The following SCML2 variants were observed in gnomAD, a reference collection of about 807,000 sequenced individuals.
SCML2 encodes sex comb on midleg-like protein 2.
SCML2 carries 6 observed loss-of-function variants against 48.4 expected under a neutral mutation model. The observed-to-expected ratio is 0.12, with a 90% CI of 0.07 to 0.24. SCML2 has a LOEUF of 0.24. Among genes scored for constraint, SCML2 ranks in the 10% least tolerant of loss-of-function variants. The probability of loss-of-function intolerance (pLI) is 1.00; values close to 1 mark genes in which losing one functional copy is unlikely to be tolerated. For synonymous variants in SCML2, 181 were observed against 189.5 expected (o/e 0.95, Z 0.37); for missense variants, 377 against 528.2 (o/e 0.71, Z 2.81).
chrX:18,348,199 G>C (rs994476393), intron 1 of SCML2, among the ~76,000 whole-genome samples: 2 of 112,078 alleles, frequency 1.8e-5, no homozygotes, highest in Non-Finnish European at 3.8e-5. Flanking sequence ...ACTGACTTTT[G>C]TGAAGGACTT....
chrX:18,247,018 G>C (rs1321590016), intron 12 of SCML2, among the ~76,000 whole-genome samples, 190 bp from the exon 13 acceptor site: 1 of 111,676 alleles, frequency 9.0e-6, no homozygotes, highest in East Asian at 2.8e-4. Context: ...TTGAGACAAA[G>C]TTTTGCTCTT....
chrX:18,261,171 A>C (rs779188707), intron 8 of SCML2, among the ~76,000 whole-genome samples: 3 of 108,682 alleles, frequency 2.8e-5, no homozygotes, highest in Non-Finnish European at 5.7e-5. Flanking sequence ...GAAACAAAAA[A>C]TGTGATTTTT....
intron 11 of SCML2, 78 bp from the exon 12 acceptor site, chrX:18,247,960 A>G (rs1311784399): frequency 3.2e-6 from 2 of 633,846 alleles, no homozygotes; most frequent in Non-Finnish European, 5.0e-6. Flanking sequence ...AGCATGAAAC[A>G]CTTCTGTTTC....
intron 7 of SCML2, among the ~76,000 whole-genome samples, chrX:18,298,739 C>G (rs754545621): frequency 8.2e-5 from 9 of 109,665 alleles, no homozygotes; most frequent in Non-Finnish European, 1.1e-4. Context: ...AGAAGAACTG[C>G]TTGAACCCAG....
intron 7 of SCML2, among the ~76,000 whole-genome samples, chrX:18,283,887 T>C (rs955540914): frequency 2.0e-4 from 22 of 112,324 alleles, no homozygotes; most frequent in Non-Finnish European, 3.6e-4. Context: ...TTCAACACTA[T>C]TGCTAACAAA....
In SCML2 at chrX:18,330,477, TAC is replaced by T. The variant is rs1337234315; in HGVS notation, c.91+108_91+109del. 78 of 409,993 alleles carry T rather than the reference TAC, an allele frequency of 1.9e-4. No individual in the cohort carries two copies. In the South Asian group the frequency reaches 4.9e-3, roughly 26 times the overall value. 33.8% of individuals were successfully genotyped at this position (409,993 alleles called of 1,213,427 possible). A position where few individuals can be genotyped will look rare whatever the true frequency, so the allele number is the denominator to read the frequency against. ...TTTGTATTTACAGAAGTTTACAGTA[TAC>T]AGACTGTACAATAAGAAATCAAAAC... On this transcript the variant is annotated intron_variant, in intron 3 of 14. Coordinates refer to ENST00000251900, the MANE Select transcript of SCML2 (RefSeq NM_006089.3).
At chrX:18,303,504 A>G (rs867127783) in intron 7 of SCML2, among the ~76,000 whole-genome samples, 3 of 111,541 alleles carry the variant, frequency 2.7e-5, no homozygotes, top group Non-Finnish European at 5.6e-5. Context: ...GCTTTCCTTT[A>G]TGCAACCACC....
intron 8 of SCML2, among the ~76,000 whole-genome samples, chrX:18,262,337 C>CTTTTT (rs780523423): frequency 1.3e-5 from 1 of 78,468 alleles, no homozygotes; most frequent in African/African-American, 5.5e-5. Flanking sequence ...CTGGGTCTAC[C>CTTTTT]TTTTTTTTTT....
intron 7 of SCML2, among the ~76,000 whole-genome samples, chrX:18,281,125 TA>T (rs756411441): frequency 8.8e-4 from 96 of 109,684 alleles, no homozygotes; most frequent in African/African-American, 3.0e-3. Context: ...TCAATAAAAC[TA>T]AAAAAAACTG....
chrX:18,284,220 A>C (rs1432833358), intron 7 of SCML2, among the ~76,000 whole-genome samples: 3 of 112,605 alleles, frequency 2.7e-5, no homozygotes, highest in African/African-American at 9.7e-5. Flanking sequence ...CATATGCAGA[A>C]GAATGGAACT....
chrX:18,314,614 TTC>T (rs1929055776), intron 6 of SCML2, among the ~76,000 whole-genome samples: 1 of 112,135 alleles, frequency 8.9e-6, no homozygotes, highest in African/African-American at 3.2e-5. Context: ...TCTTCCTGTA[TTC>T]TTTTATCCTT....
At position 18,250,201 on chromosome X, in the gene SCML2, A is replaced by G. The variant is rs773214319; in HGVS notation, c.1457-2319T>C. 2.7e-5 allele frequency among the ~76,000 whole-genome samples: 3 copies of G among 111,143 alleles called. No individual in the cohort carries two copies. In the South Asian group the frequency reaches 1.2e-3, roughly 43 times the overall value. On this transcript the variant is annotated intron_variant, in intron 11 of 14. Coordinates refer to ENST00000251900, the MANE Select transcript of SCML2 (RefSeq NM_006089.3). Reference sequence around the variant, plus strand: ...AAACTGTCCCTAAGGAAGCCCAGACACTGGACTTACTAGACAAATACTTTA... The same window carrying G: ...AAACTGTCCCTAAGGAAGCCCAGACGCTGGACTTACTAGACAAATACTTTA...
intron 7 of SCML2, among the ~76,000 whole-genome samples, chrX:18,299,750 T>A (rs909245879): frequency 1.1e-3 from 114 of 108,042 alleles, no homozygotes; most frequent in Middle Eastern, 4.8e-3. Flanking sequence ...TTTTTTTTTT[T>A]AAATAGAGAC....
intron 2 of SCML2, among the ~76,000 whole-genome samples, chrX:18,331,865 T>C (rs1929670476): frequency 8.9e-6 from 1 of 112,227 alleles, no homozygotes; most frequent in Admixed American, 9.5e-5. Flanking sequence ...CAGAGTTCGG[T>C]TCCTCTGTTT....
intron 7 of SCML2, among the ~76,000 whole-genome samples, chrX:18,282,053 G>A (rs1927877996): frequency 9.1e-6 from 1 of 110,257 alleles, no homozygotes; most frequent in African/African-American, 3.3e-5. Flanking sequence ...AACCCAGGAG[G>A]CAGAGGTTGC....
At chrX:18,340,250 A>C (rs1929970231) in intron 1 of SCML2, among the ~76,000 whole-genome samples, 1 of 110,280 alleles carries the variant, frequency 9.1e-6, no homozygotes, top group South Asian at 3.9e-4. Context: ...CCATCTCTAC[A>C]AAAAAATACA....
chrX:18,305,144 C>A lies in SCML2; in HGVS notation c.558G>T (p.Pro186=). The A allele has an allele frequency of 8.3e-7, 1 of 1,209,093 alleles. No individual in the cohort carries two copies. The highest frequency in any genetic ancestry group is 1.1e-6 in the Non-Finnish European group (1 of 894,184). Residue 186 remains proline (P), a synonymous_variant, in exon 7 of 15, where the codon CCG becomes CCT. Transcript: ENST00000251900. ...CAATGGTCGCAGGACAGATGAGATA[C>A]GGGTTCTTTTTGTCAATAGCTTCCA... ...MKLEAIDKKN[P]YLICPATIGD... is the part of the protein sequence containing the mutation.
At chrX:18,300,301 G>C (rs1928543668) in intron 7 of SCML2, among the ~76,000 whole-genome samples, 1 of 102,990 alleles carries the variant, frequency 9.7e-6, no homozygotes, top group Non-Finnish European at 2.0e-5. Context: ...TTGGGGAGCT[G>C]AGACAGGAGG....
intron 7 of SCML2, among the ~76,000 whole-genome samples, chrX:18,299,939 T>C (rs1289750398): frequency 9.1e-6 from 1 of 110,101 alleles, no homozygotes; most frequent in Non-Finnish European, 1.9e-5. Flanking sequence ...AGAGTCTCAC[T>C]GTGTTGCCCA....
Sources: allele counts gnomAD v4.1 joint callset (sites outside exome capture counted in the v4.1 genomes callset), GRCh38; gene constraint gnomAD v4.1.1; transcripts MANE v1.5; gene names NCBI Gene and HGNC (gene_info 2026-07-23, HGNC 2026-07-21).